The following TMEM132D variants were observed in gnomAD, a reference collection of about 807,000 sequenced individuals.
TMEM132D encodes transmembrane protein 132D.
Under a neutral mutation model 62.3 loss-of-function variants are expected in TMEM132D, and 21 were observed. The ratio of observed to expected loss-of-function variants is 0.34; its 90% CI spans 0.24 to 0.49. TMEM132D has a LOEUF of 0.49. Among genes scored for constraint, TMEM132D ranks in the 20% least tolerant of loss-of-function variants. The pLI is 0.99. For missense variants in TMEM132D, 1,346 were observed against 1,402.8 expected (o/e 0.96, Z 0.65); for synonymous variants, 621 against 575.6 (o/e 1.08, Z -1.13).
intron 5 of TMEM132D, among the ~76,000 whole-genome samples, chr12:129,108,129 G>C (rs530126922): frequency 6.6e-6 from 1 of 152,296 alleles, no homozygotes; most frequent in Non-Finnish European, 1.5e-5. Flanking sequence ...AAATGTGCCA[G>C]ACACTTACAT....
chr12:129,228,952 C>T (rs887499884), intron 4 of TMEM132D, among the ~76,000 whole-genome samples: 3 of 152,212 alleles, frequency 2.0e-5, no homozygotes, highest in Non-Finnish European at 2.9e-5. Context: ...TTCAGCAATT[C>T]CGGGGCATCA....
In TMEM132D at chr12:129,497,744, C is replaced by T. The variant is rs536110114; in HGVS notation, c.1115+33315G>A. ...GTGTGATCACAGCTCGCTACAGCCT[C>T]GACTTCCCCGACTTAAGCAATTCTC... On this transcript the variant is annotated intron_variant, in intron 3 of 8. Coordinates refer to ENST00000422113, the MANE Select transcript of TMEM132D (RefSeq NM_133448.3). Among the ~76,000 whole-genome samples, 4 of 152,154 alleles carry T rather than the reference C, an allele frequency of 2.6e-5. No individual in the cohort carries two copies. The East Asian group carries it at 7.7e-4, about 29-fold the overall frequency.
intron 5 of TMEM132D, among the ~76,000 whole-genome samples, chr12:129,159,176 CA>C (rs1464106684): frequency 6.6e-6 from 1 of 152,160 alleles, no homozygotes; most frequent in African/African-American, 2.4e-5. Flanking sequence ...TTGGTTTTAA[CA>C]GCAAGTATTT....
intron 3 of TMEM132D, among the ~76,000 whole-genome samples, chr12:129,422,281 G>T (rs899866577): frequency 6.6e-6 from 1 of 152,012 alleles, no homozygotes; most frequent in Non-Finnish European, 1.5e-5. Flanking sequence ...AGAAAGAGGG[G>T]TATATTATTG....
chr12:129,472,275 T>C (rs1242746091), intron 3 of TMEM132D, among the ~76,000 whole-genome samples: 1 of 152,192 alleles, frequency 6.6e-6, no homozygotes, highest in Non-Finnish European at 1.5e-5. Flanking sequence ...TGAGTTCATG[T>C]CCTTTGCAGG....
intron 4 of TMEM132D, among the ~76,000 whole-genome samples, chr12:129,261,274 C>T (rs1475257247): frequency 6.6e-6 from 1 of 152,188 alleles, no homozygotes; most frequent in African/African-American, 2.4e-5. Context: ...TCCCATAATC[C>T]TCACATGTCA....
chr12:129,376,501 C>T (rs541020721), intron 3 of TMEM132D, among the ~76,000 whole-genome samples: 8 of 152,224 alleles, frequency 5.3e-5, no homozygotes, highest in South Asian at 4.1e-4. Context: ...GTACCTCTCA[C>T]GACACACGGG....
intron 2 of TMEM132D, among the ~76,000 whole-genome samples, chr12:129,691,874 C>T (rs638606): frequency 0.22 from 33,543 of 151,730 alleles, 4,014 homozygotes; most frequent in Middle Eastern, 0.28. Context: ...AGATGGATTC[C>T]TTGAAAGACA....
chr12:129,638,529 A>G (rs1444609824), intron 2 of TMEM132D, among the ~76,000 whole-genome samples: 2 of 47,000 alleles, frequency 4.3e-5, no homozygotes, highest in Non-Finnish European at 1.0e-4. Context: ...ATAAATATAT[A>G]AACATATATA....
At chr12:129,586,469 A>T (rs143846767) in intron 2 of TMEM132D, among the ~76,000 whole-genome samples, 1 of 152,180 alleles carries the variant, frequency 6.6e-6, no homozygotes, top group South Asian at 2.1e-4. Flanking sequence ...AACAACAGAG[A>T]TTGACTCCTC....
At chr12:129,584,311 G>A (rs1877957696) in intron 2 of TMEM132D, among the ~76,000 whole-genome samples, 1 of 152,150 alleles carries the variant, frequency 6.6e-6, no homozygotes, top group Non-Finnish European at 1.5e-5. Context: ...CAGTACTAAT[G>A]TTTTTACCTA....
rs1410326195 is a variant in TMEM132D at position 129,580,223 on chromosome 12, G to GA, written c.969-49019dup. On this transcript the variant is annotated intron_variant, in intron 2 of 8. Transcript: ENST00000422113. ...GATGCAAACACCTTTTCTTCAAGGT[G>GA]AAAAAAACTCGGGTCGAAAATAAGA... Among the ~76,000 whole-genome samples, 7 of 152,196 alleles carry GA rather than the reference G, an allele frequency of 4.6e-5. No homozygotes were observed. The South Asian group carries it at 6.2e-4, about 14-fold the overall frequency.
intron 2 of TMEM132D, among the ~76,000 whole-genome samples, chr12:129,645,033 C>T (rs889796408): frequency 4.2e-5 from 6 of 144,416 alleles, no homozygotes; most frequent in Admixed American, 6.9e-5. Flanking sequence ...TATTTTGAAA[C>T]GGCTGCTGCT....
chr12:129,736,080 C>A (rs1366071477), intron 1 of TMEM132D, among the ~76,000 whole-genome samples: 2 of 152,188 alleles, frequency 1.3e-5, no homozygotes, highest in Non-Finnish European at 2.9e-5. Context: ...CTCATCTCGC[C>A]CATCTCCAGA....
At chr12:129,668,791 A>G (rs904754537) in intron 2 of TMEM132D, among the ~76,000 whole-genome samples, 1 of 152,194 alleles carries the variant, frequency 6.6e-6, no homozygotes, top group Non-Finnish European at 1.5e-5. Context: ...ACAGGGCACA[A>G]TTGGAGAAAG....
chr12:129,522,844 A>G (rs1476984679), intron 3 of TMEM132D: 6 of 152,092 alleles, frequency 3.9e-5, no homozygotes, highest in African/African-American at 1.4e-4. Context: ...ATATAGATAT[A>G]AATATGGATC....
chr12:129,889,559 TG>T (rs1874856045), intron 1 of TMEM132D, among the ~76,000 whole-genome samples: 1 of 152,230 alleles, frequency 6.6e-6, no homozygotes, highest in East Asian at 1.9e-4. Context: ...CCTCTTCACC[TG>T]CTACTAAAAT....
At chr12:129,836,374 G>T (rs1873002842) in intron 1 of TMEM132D, among the ~76,000 whole-genome samples, 1 of 152,136 alleles carries the variant, frequency 6.6e-6, no homozygotes, top group Non-Finnish European at 1.5e-5. Flanking sequence ...GAGAGAGAGA[G>T]AGTTCTCCAT....
chr12:129,642,496 T>A (rs1879665189), intron 2 of TMEM132D, among the ~76,000 whole-genome samples: 1 of 152,212 alleles, frequency 6.6e-6, no homozygotes, highest in Admixed American at 6.5e-5. Context: ...GACTCCTGGA[T>A]GCAGCTCTTC....
Sources: gnomAD v4.1 joint callset for allele counts (sites outside exome capture counted in the v4.1 genomes callset) on GRCh38, gnomAD v4.1.1 for gene constraint, MANE v1.5 for transcripts, NCBI Gene and HGNC (gene_info 2026-07-23, HGNC 2026-07-21) for gene names.